The following PTPRQ variants were observed in gnomAD, a reference collection of about 807,000 sequenced individuals.
PTPRQ encodes the protein protein tyrosine phosphatase receptor type Q.
Under a neutral mutation model 246.0 loss-of-function variants are expected in PTPRQ, and 199 were observed. The observed-to-expected ratio is 0.81, with a 90% confidence interval of 0.72 to 0.91. The LOEUF (loss-of-function observed/expected upper bound fraction) is 0.91. Among genes scored for constraint, PTPRQ ranks in the 40% least tolerant of loss-of-function variants. PTPRQ has a pLI of 0.00. For missense variants in PTPRQ, 2,624 were observed against 2,528.4 expected (o/e 1.04, Z -0.81); for synonymous variants, 869 against 853.2 (o/e 1.02, Z -0.32).
intron 39 of PTPRQ, among the ~76,000 whole-genome samples, chr12:80,664,905 A>G (rs1311023235): frequency 6.6e-6 from 1 of 151,958 alleles, no homozygotes; most frequent in Admixed American, 6.6e-5. Context: ...TGAATTTACT[A>G]TCTCTTTCTA....
chr12:80,598,601 G>A (rs553207877), intron 26 of PTPRQ, among the ~76,000 whole-genome samples: 1 of 152,032 alleles, frequency 6.6e-6, no homozygotes, highest in East Asian at 1.9e-4. Context: ...CCTTGAAGTT[G>A]TTAATATTTG....
intron 30 of PTPRQ, 41 bp from the exon 31 acceptor site, chr12:80,619,343 C>T: frequency 6.5e-7 from 1 of 1,528,846 alleles, no homozygotes; most frequent in Non-Finnish European, 8.8e-7. Context: ...GTTGATGAAA[C>T]AATAACATCA....
chr12:80,650,143 A>G (rs1323812581), intron 37 of PTPRQ, among the ~76,000 whole-genome samples: 2 of 152,080 alleles, frequency 1.3e-5, no homozygotes, highest in East Asian at 3.8e-4. Flanking sequence ...AGCTTCCAGA[A>G]ACTATAAGAA....
intron 37 of PTPRQ, among the ~76,000 whole-genome samples, chr12:80,650,907 G>T (rs1023851586): frequency 6.6e-6 from 1 of 151,896 alleles, no homozygotes; most frequent in Admixed American, 6.6e-5. Flanking sequence ...ATTTCATTTT[G>T]TCTAATGCTT....
chr12:80,582,300 G>A (rs1476874803), intron 25 of PTPRQ, among the ~76,000 whole-genome samples: 2 of 152,058 alleles, frequency 1.3e-5, no homozygotes, highest in African/African-American at 4.8e-5. Context: ...TTGCTGTGCT[G>A]GCATTTCATC....
At chr12:80,455,090 T>C (rs1291004943) in intron 3 of PTPRQ, among the ~76,000 whole-genome samples, 7 of 152,190 alleles carry the variant, frequency 4.6e-5, no homozygotes, top group Admixed American at 3.3e-4. Context: ...GGAGAGTCAC[T>C]TGAACCCGGG....
chr12:80,558,612 A>C (rs186172518), intron 25 of PTPRQ, among the ~76,000 whole-genome samples: 112 of 152,182 alleles, frequency 7.4e-4, no homozygotes, highest in Middle Eastern at 3.4e-3. Flanking sequence ...TTTTTGTAGG[A>C]ACATAAATTT....
In PTPRQ at chr12:80,669,707, T is replaced by C. The variant is rs17007102; in HGVS notation, c.6453+243T>C. Reference sequence around the variant, plus strand: ...AACCAATTAGCATCACATTCTTAGGTTGACAAGAGCAGAAAAAGGAGAGAA... The same window carrying C: ...AACCAATTAGCATCACATTCTTAGGCTGACAAGAGCAGAAAAAGGAGAGAA... On this transcript the variant is annotated intron_variant, in intron 41 of 44. Transcript: ENST00000644991. Among the ~76,000 whole-genome samples, 970 of 152,090 alleles carry C rather than the reference T, an allele frequency of 6.4e-3. 17 individuals are homozygous for C. Among genetic ancestry groups the C allele is most frequent in the East Asian group, 0.049 (253 of 5,150 alleles).
At chr12:80,449,628 A>G (rs1490124289) in intron 3 of PTPRQ, among the ~76,000 whole-genome samples, 1 of 151,640 alleles carries the variant, frequency 6.6e-6, no homozygotes, top group Non-Finnish European at 1.5e-5. Context: ...TTTATTAAAT[A>G]GGGAATCCCT....
chr12:80,567,260 G>C (rs915577839), intron 25 of PTPRQ, among the ~76,000 whole-genome samples: 1 of 152,098 alleles, frequency 6.6e-6, no homozygotes, highest in Admixed American at 6.5e-5. Context: ...TGAGTGTCTA[G>C]TACTTTTAAT....
intron 6 of PTPRQ, among the ~76,000 whole-genome samples, chr12:80,467,429 C>T (rs1270915369): frequency 1.3e-5 from 2 of 152,032 alleles, no homozygotes; most frequent in African/African-American, 2.4e-5. Flanking sequence ...CTAGTTCAAC[C>T]ATTGTGGAAG....
intron 43 of PTPRQ, among the ~76,000 whole-genome samples, chr12:80,673,525 T>G (rs1199416267): frequency 6.6e-6 from 1 of 152,122 alleles, no homozygotes; most frequent in Non-Finnish European, 1.5e-5. Flanking sequence ...TACTGATGGC[T>G]CATCTTAACT....
chr12:80,459,396 T>A lies in PTPRQ; in HGVS notation c.573T>A (p.Ser191Arg). The A allele has an allele frequency of 7.5e-6, 3 of 398,502 alleles. No homozygotes were observed. The highest frequency in any genetic ancestry group is 1.3e-5 in the Non-Finnish European group (3 of 225,984). The allele number at this position is 398,502 out of a possible 1,614,324, so 24.7% of individuals were successfully genotyped here. A position where few individuals can be genotyped will look rare whatever the true frequency, so the allele number is the denominator to read the frequency against. ...GCAAAATTACCAGCTTCAAGATTAG[T>A]GTCAAGCATGCCAGAAGTGGGATAG... ...PNGKITSFKI[S>R]VKHARSGIVV... Residue 191 changes from serine (S) to arginine (R), a missense_variant, in exon 5 of 45, where the codon AGT (serine) becomes AGA (arginine). Transcript: ENST00000644991.
rs566664966 is a variant in PTPRQ at position 80,552,393 on chromosome 12, T to C, written c.4285+2659T>C. 3.3e-5 allele frequency among the ~76,000 whole-genome samples: 5 copies of C among 151,834 alleles called. No homozygotes were observed. The East Asian group carries it at 7.8e-4, about 24-fold the overall frequency. ...GTCTTTGAGAACTGGCAAATAAAATTACAGGACAACATATCTGAAATAAAT... is the reference window on the plus strand; with the variant it reads ...GTCTTTGAGAACTGGCAAATAAAATCACAGGACAACATATCTGAAATAAAT... On this transcript the variant is annotated intron_variant, in intron 25 of 44. Coordinates refer to ENST00000644991, the MANE Select transcript of PTPRQ (RefSeq NM_001145026.2).
At chr12:80,602,641 G>A (rs11114522) in intron 26 of PTPRQ, among the ~76,000 whole-genome samples, 3,013 of 151,752 alleles carry the variant, frequency 0.02, 102 homozygotes, top group African/African-American at 0.068. Flanking sequence ...CACCATGGGA[G>A]GTATTCTCAT....
intron 26 of PTPRQ, among the ~76,000 whole-genome samples, chr12:80,602,830 T>C (rs778863968): frequency 6.6e-6 from 1 of 151,792 alleles, no homozygotes; most frequent in Non-Finnish European, 1.5e-5. Flanking sequence ...CCAGATATAC[T>C]GCCCATATTT....
chr12:80,514,402 A>ACACACACACACACACACACACTCT (rs552667526), intron 17 of PTPRQ, among the ~76,000 whole-genome samples: 13 of 113,022 alleles, frequency 1.2e-4, no homozygotes, highest in South Asian at 6.5e-4. Flanking sequence ...ACACACACAC[A>ACACACACACACACACACACACTCT]CTCTCTCTCT....
intron 35 of PTPRQ, among the ~76,000 whole-genome samples, chr12:80,647,750 G>C (rs1900123037): frequency 1.3e-5 from 2 of 151,888 alleles, no homozygotes; most frequent in African/African-American, 4.8e-5. Flanking sequence ...GGTATTGTGG[G>C]GCACTCTTAA....
At position 80,613,578 on chromosome 12, in the gene PTPRQ, ATATTT is replaced by A; in HGVS notation, c.4919-6_4919-2del. 1.3e-6 allele frequency: 2 copies of A among 1,492,808 alleles called. No homozygotes were observed. Among genetic ancestry groups the A allele is most frequent in the Non-Finnish European group, 1.8e-6 (2 of 1,119,706 alleles). 92.5% of individuals were successfully genotyped at this position (1,492,808 alleles called of 1,614,324 possible). A position where few individuals can be genotyped will look rare whatever the true frequency, so the allele number is the denominator to read the frequency against. ...AATATTTTTAAAAATTAATTGTTAA[ATATTT>A]TATTTTAGCCCCAAAGGACCCACCT... On this transcript the variant is annotated splice_polypyrimidine_tract_variant and intron_variant, in intron 28 of 44. Coordinates refer to ENST00000644991, the MANE Select transcript of PTPRQ (RefSeq NM_001145026.2).
Sources: allele counts gnomAD v4.1 joint callset (sites outside exome capture counted in the v4.1 genomes callset), GRCh38; gene constraint gnomAD v4.1.1; transcripts MANE v1.5; gene names NCBI Gene and HGNC (gene_info 2026-07-23, HGNC 2026-07-21).